PANK1: variants seen among roughly 807,000 people sequenced by gnomAD.
PANK1 encodes pantothenate kinase 1.
In PANK1, 18 loss-of-function variants were observed where a neutral mutation model predicts 40.1. The observed-to-expected ratio is 0.45, with a 90% CI of 0.31 to 0.67. The LOEUF (loss-of-function observed/expected upper bound fraction) is 0.67. PANK1 is among the 30% of genes least tolerant of loss of function. The pLI is 0.06. For synonymous variants in PANK1, 242 were observed against 237.7 expected (o/e 1.02, Z -0.17); for missense variants, 457 against 599.6 (o/e 0.76, Z 2.48).
At chr10:89,609,140 C>A (rs1319739039) in intron 2 of PANK1, among the ~76,000 whole-genome samples, 8 of 152,244 alleles carry the variant, frequency 5.3e-5, no homozygotes, top group Non-Finnish European at 7.3e-5. Context: ...TCTCGGCTCA[C>A]TGTAACCTTG....
chr10:89,644,612 TTC>T lies in PANK1; in HGVS notation c.278_279del (p.Arg93LysfsTer19). 1 of 1,589,504 alleles carries T rather than the reference TTC, an allele frequency of 6.3e-7. No individual in the cohort carries two copies. The highest frequency in any genetic ancestry group is 8.5e-7 in the Non-Finnish European group (1 of 1,172,884). ...CRLRRRMDSG[R>X]KNRPPFPWFG... is the part of the protein sequence containing the mutation. ...CAGCGGGACTTACGCGGCCTGTTCT[TTC>T]TCCCCGAGTCCATCCTCCTCCGCAG... On this transcript the variant is annotated frameshift_variant, in exon 1 of 7. Coordinates refer to ENST00000307534, the MANE Select transcript of PANK1 (RefSeq NM_148977.3). LOFTEE classifies it high-confidence loss of function.
chr10:89,623,538 T>TTA (rs397831431), intron 1 of PANK1, among the ~76,000 whole-genome samples: 1 of 151,916 alleles, frequency 6.6e-6, no homozygotes, highest in Non-Finnish European at 1.5e-5. Context: ...TTTTTTTTTT[T>TTA]AAATAATCAA....
At chr10:89,587,027 G>C (rs1844216360) in intron 6 of PANK1, among the ~76,000 whole-genome samples, 1 of 152,094 alleles carries the variant, frequency 6.6e-6, no homozygotes, top group Non-Finnish European at 1.5e-5. Flanking sequence ...GGAGGCTGAG[G>C]CTCGAGAATT....
chr10:89,599,984 A>G (rs1475511287), intron 2 of PANK1, among the ~76,000 whole-genome samples: 2 of 152,202 alleles, frequency 1.3e-5, no homozygotes, highest in African/African-American at 4.8e-5. Flanking sequence ...GTGAAGACAA[A>G]GGCAGAGACT....
In PANK1 at chr10:89,584,192, A is replaced by AG. The variant is rs1844121613; in HGVS notation, c.*213dup. The stretch of plus-strand genomic sequence containing the variant: ...ATTTTTTTAAAAAAATACAGTATAC[A>AG]GAAAAAAAACCTTTTATATTCCCCC... On this transcript the variant is annotated 3_prime_UTR_variant, in exon 7 of 7. Coordinates refer to ENST00000307534, the MANE Select transcript of PANK1 (RefSeq NM_148977.3). 2.0e-6 allele frequency: 1 copy of AG among 490,340 alleles called. No individual in the cohort carries two copies. The highest frequency in any genetic ancestry group is 1.9e-5 in the African/African-American group (1 of 52,090). The allele number at this position is 490,340 out of a possible 1,614,324, so 30.4% of individuals were successfully genotyped here.
downstream of PANK1, chr10:89,581,974 A>G (rs1844060567): frequency 6.6e-6 from 1 of 152,226 alleles, no homozygotes; most frequent in African/African-American, 2.4e-5. Flanking sequence ...GTTTCCCACA[A>G]TCCAGAAAGT....
chr10:89,613,890 TG>T, intron 1 of PANK1: 1 of 438,620 alleles, frequency 2.3e-6, no homozygotes, highest in Non-Finnish European at 4.6e-6. Context: ...TCTGCTTCCC[TG>T]AAGCAGCAGA....
intron 1 of PANK1, chr10:89,643,714 A>C (rs753277902): frequency 1.2e-6 from 2 of 1,613,856 alleles, no homozygotes; most frequent in East Asian, 4.5e-5. Context: ...TTTGCCATTT[A>C]TAAGCTTCAT....
chr10:89,590,266 GTTAA>G (rs1385121739), intron 5 of PANK1, among the ~76,000 whole-genome samples: 2 of 151,978 alleles, frequency 1.3e-5, no homozygotes, highest in Non-Finnish European at 1.5e-5. Flanking sequence ...AAATGGATTT[GTTAA>G]TTAATAAAGA....
chr10:89,635,974 C>G (rs11593819), intron 1 of PANK1, among the ~76,000 whole-genome samples: 26,098 of 152,188 alleles, frequency 0.17, 2,527 homozygotes, highest in Non-Finnish European at 0.23. Flanking sequence ...GCAGTTGGGC[C>G]CCCAAGGCCT....
chr10:89,639,530 G>A (rs1198959132), intron 1 of PANK1, among the ~76,000 whole-genome samples: 1 of 152,120 alleles, frequency 6.6e-6, no homozygotes, highest in Non-Finnish European at 1.5e-5. Flanking sequence ...TGATAAGATG[G>A]CCACCATTAT....
rs577732416 is a variant in PANK1 at position 89,636,886 on chromosome 10, G to C, written c.292+7714C>G. Among the ~76,000 whole-genome samples the C allele has an allele frequency of 7.4e-5, 11 of 149,384 alleles. No individual in the cohort carries two copies. The East Asian group carries it at 1.6e-3, about 22-fold the overall frequency. ...ACCCCTCTTTTTTTTTTTTGAGACA[G>C]AGTCTCTCCCTGTCGCCCAGGCTAC... On this transcript the variant is annotated intron_variant, in intron 1 of 6. Transcript: ENST00000307534.
rs1375802785 is a variant in PANK1, at chr10:89,645,226, T to TC, written c.-336dup. The TC allele has an allele frequency of 1.3e-6, 2 of 1,599,630 alleles. No individual in the cohort carries two copies. The highest frequency in any genetic ancestry group is 1.7e-6 in the Non-Finnish European group (2 of 1,173,976). ...AGGCCGCGCGACTTCAAACGCGGCTTCCTCGCCTCCCAGACTGGTCCCCGC... is the reference window on the plus strand; with the variant it reads ...AGGCCGCGCGACTTCAAACGCGGCTTCCCTCGCCTCCCAGACTGGTCCCCGC... On this transcript the variant is annotated 5_prime_UTR_variant, in exon 1 of 7. Transcript: ENST00000307534.
At chr10:89,601,266 G>A (rs867294987) in intron 2 of PANK1, among the ~76,000 whole-genome samples, 3 of 146,268 alleles carry the variant, frequency 2.1e-5, no homozygotes, top group Middle Eastern at 7.1e-3. Flanking sequence ...CTTGAGCCAC[G>A]GATTTTGAGA....
At chr10:89,638,229 A>G (rs1841878749) in intron 1 of PANK1, among the ~76,000 whole-genome samples, 2 of 152,274 alleles carry the variant, frequency 1.3e-5, no homozygotes, top group African/African-American at 4.8e-5. Flanking sequence ...ATAATCTTAT[A>G]GGACTACCTT....
intron 2 of PANK1, among the ~76,000 whole-genome samples, chr10:89,605,987 A>C (rs541270481): frequency 3.3e-5 from 5 of 152,198 alleles, no homozygotes; most frequent in Non-Finnish European, 7.3e-5. Flanking sequence ...TTGGGTGACT[A>C]GTTGTGTTGT....
intron 2 of PANK1, among the ~76,000 whole-genome samples, chr10:89,600,293 G>C (rs932569706): frequency 5.3e-5 from 8 of 152,192 alleles, no homozygotes; most frequent in African/African-American, 1.9e-4. Context: ...CCTTGGTAGA[G>C]CATGAAGTCC....
rs1406192780 is a variant in PANK1, at chr10:89,611,893, C to T, written c.448G>A (p.Gly150Arg). 6.2e-7 allele frequency: 1 copy of T among 1,614,182 alleles called. No individual in the cohort carries two copies. Among genetic ancestry groups the T allele is most frequent in the Non-Finnish European group, 8.5e-7 (1 of 1,180,032 alleles). ...LTSNTAYGKTGIRDVHLELKN... is the reference protein window; with the variant it reads ...LTSNTAYGKTRIRDVHLELKN... Reference sequence around the variant, plus strand: ...AGTTCCAGGTGGACGTCTCGGATCCCAGTTTTCCCATAAGCAGTATTAGAA... The same window carrying T: ...AGTTCCAGGTGGACGTCTCGGATCCTAGTTTTCCCATAAGCAGTATTAGAA... Residue 150 changes from glycine to arginine, a missense_variant, in exon 2 of 7, where the codon GGG becomes AGG. By Grantham distance (125) the Gly-to-Arg change is moderately radical. Around this residue, in one of 4 missense-constraint regions of PANK1, gnomAD observed 286 missense variants for 415.8 expected, o/e 0.69. Transcript: ENST00000307534.
At chr10:89,608,434 T>C (rs572652479) in intron 2 of PANK1, among the ~76,000 whole-genome samples, 2 of 152,336 alleles carry the variant, frequency 1.3e-5, no homozygotes, top group Admixed American at 1.3e-4. Context: ...AGTGCAGACC[T>C]GTTCAACTGA....
Sources: gnomAD v4.1 joint callset for allele counts (sites outside exome capture counted in the v4.1 genomes callset) on GRCh38, gnomAD v4.1.1 for gene constraint, gnomAD v4.1.1 regional missense constraint, MANE v1.5 for transcripts, NCBI Gene and HGNC (gene_info 2026-07-23, HGNC 2026-07-21) for gene names.